Variants in NIBAN1 observed in about 807,000 individuals in gnomAD.
NIBAN1 encodes the protein niban apoptosis regulator 1.
In NIBAN1, 81 loss-of-function variants were observed where a neutral mutation model predicts 75.1. That is an observed-to-expected ratio of 1.08 (90% CI 0.90 to 1.30). The LOEUF is 1.30. NIBAN1 is among the 50% of genes most tolerant of loss of function. NIBAN1 has a pLI of 0.00. For synonymous variants in NIBAN1, 436 were observed against 424.8 expected, an observed-to-expected ratio of 1.03 and a Z score of -0.32; for missense variants, 1,133 against 1,128.1, an observed-to-expected ratio of 1.00 and a Z score of -0.06.
intron 5 of NIBAN1, among the ~76,000 whole-genome samples, chr1:184,839,222 A>G (rs1655216102): frequency 6.6e-6 from 1 of 152,204 alleles, no homozygotes; most frequent in South Asian, 2.1e-4. Flanking sequence ...TCTTTAAGCT[A>G]GCATGTGGTC....
intron 1 of NIBAN1, among the ~76,000 whole-genome samples, chr1:184,911,952 G>A (rs540263483): frequency 3.5e-4 from 53 of 152,136 alleles, no homozygotes; most frequent in African/African-American, 1.2e-3. Flanking sequence ...AGCTACATTT[G>A]CAACCCCCTC....
intron 5 of NIBAN1, among the ~76,000 whole-genome samples, chr1:184,882,604 G>A (rs1656405081): frequency 6.6e-6 from 1 of 152,224 alleles, no homozygotes; most frequent in Non-Finnish European, 1.5e-5. Flanking sequence ...GGAGAGCAGA[G>A]TGGGGTTTTG....
intron 5 of NIBAN1, among the ~76,000 whole-genome samples, chr1:184,865,679 T>C (rs1337068094): frequency 6.6e-6 from 1 of 152,166 alleles, no homozygotes; most frequent in African/African-American, 2.4e-5. Context: ...ACTTAAATAA[T>C]GGCATCATGC....
At chr1:184,903,607 G>A (rs1657009380) in intron 1 of NIBAN1, among the ~76,000 whole-genome samples, 1 of 151,968 alleles carries the variant, frequency 6.6e-6, no homozygotes, top group African/African-American at 2.4e-5. Context: ...CTTGCCATGT[G>A]ATGCACCTGC....
chr1:184,805,263 G>A (rs1027238904), intron 11 of NIBAN1, among the ~76,000 whole-genome samples: 4 of 152,166 alleles, frequency 2.6e-5, no homozygotes, highest in African/African-American at 4.8e-5. Context: ...AGTGGACTAG[G>A]TGTATGATCG....
chr1:184,815,678 A>G (rs1157646523), intron 9 of NIBAN1, among the ~76,000 whole-genome samples: 1 of 152,256 alleles, frequency 6.6e-6, no homozygotes, highest in Non-Finnish European at 1.5e-5. Context: ...AGCCTTATAC[A>G]TGAATAGCCT....
intron 1 of NIBAN1, among the ~76,000 whole-genome samples, chr1:184,933,917 G>A (rs1365334749): frequency 1.3e-5 from 2 of 152,220 alleles, no homozygotes; most frequent in Non-Finnish European, 2.9e-5. Context: ...ATGGGGGTCT[G>A]AGAACCAACT....
At chr1:184,839,398 T>G (rs1302028474) in intron 5 of NIBAN1, among the ~76,000 whole-genome samples, 1 of 152,130 alleles carries the variant, frequency 6.6e-6, no homozygotes, top group Non-Finnish European at 1.5e-5. Context: ...TAAGAAATAA[T>G]ATAGAGATAC....
rs991280730 is a variant in NIBAN1 at position 184,794,045 on chromosome 1, C to A, written c.*932G>T. On this transcript the variant is annotated 3_prime_UTR_variant, in exon 14 of 14. Transcript: ENST00000367511. ...CATAGTTTAAAAATTGGCATATGTT[C>A]TCTTCCAGATTAAATTCCCTTGGAC... 6.6e-6 allele frequency: 1 copy of A among 151,738 alleles called. No homozygotes were observed. Among genetic ancestry groups the A allele is most frequent in the Non-Finnish European group, 1.5e-5 (1 of 67,970 alleles). 9.4% of individuals were successfully genotyped at this position (151,738 alleles called of 1,614,324 possible).
intron 5 of NIBAN1, among the ~76,000 whole-genome samples, chr1:184,855,852 A>G (rs1189435964): frequency 2.0e-5 from 3 of 152,094 alleles, no homozygotes; most frequent in African/African-American, 7.2e-5. Context: ...AGATCTGATC[A>G]GTGTAGATTG....
At chr1:184,907,209 C>G (rs1372748201) in intron 1 of NIBAN1, among the ~76,000 whole-genome samples, 1 of 109,908 alleles carries the variant, frequency 9.1e-6, no homozygotes. Flanking sequence ...TTGGTTTTTC[C>G]TATAAAATTG....
At chr1:184,796,797 A>G (rs926625099) in intron 13 of NIBAN1, among the ~76,000 whole-genome samples, 2 of 152,244 alleles carry the variant, frequency 1.3e-5, no homozygotes, top group Non-Finnish European at 2.9e-5. Flanking sequence ...ACTTTTCAGC[A>G]TCTAGCTGCA....
chr1:184,862,026 A>C (rs1023092035), intron 5 of NIBAN1, among the ~76,000 whole-genome samples: 1 of 152,202 alleles, frequency 6.6e-6, no homozygotes, highest in Non-Finnish European at 1.5e-5. Flanking sequence ...AAGGGCACTC[A>C]CTATTATTCC....
intron 12 of NIBAN1, among the ~76,000 whole-genome samples, chr1:184,799,469 A>T (rs1391430585): frequency 4.0e-5 from 6 of 149,664 alleles, no homozygotes; most frequent in African/African-American, 1.5e-4. Flanking sequence ...TGGTTCCAAG[A>T]CTTTGCTATT....
At chr1:184,807,889 T>C in intron 10 of NIBAN1, 185 bp downstream of exon 10, 1 of 647,576 alleles carries the variant, frequency 1.5e-6, no homozygotes, top group Non-Finnish European at 2.8e-6. Flanking sequence ...TTGTCTATGA[T>C]GTTCATCCAC....
intron 1 of NIBAN1, among the ~76,000 whole-genome samples, chr1:184,922,843 G>A (rs1657594828): frequency 6.6e-6 from 1 of 152,166 alleles, no homozygotes; most frequent in South Asian, 2.1e-4. Flanking sequence ...CTGACCTCAG[G>A]TGATCCACCT....
At chr1:184,884,215 CTTTTTTTTTTTT>C (rs11334000) in intron 5 of NIBAN1, among the ~76,000 whole-genome samples, 5 of 66,802 alleles carry the variant, frequency 7.5e-5, no homozygotes, top group African/African-American at 2.2e-4. Context: ...ATCTGTGGCT[CTTTTTTTTTTTT>C]TTTTTTTTTT....
intron 1 of NIBAN1, among the ~76,000 whole-genome samples, chr1:184,949,939 T>C (rs1354406399): frequency 1.3e-5 from 2 of 152,120 alleles, no homozygotes; most frequent in African/African-American, 4.8e-5. Context: ...CCCCAGGCAA[T>C]CAACAGTCAT....
At position 184,818,664 on chromosome 1, in the gene NIBAN1, T is replaced by C; in HGVS notation, c.1147A>G (p.Thr383Ala). The C allele has an allele frequency of 2.5e-6, 4 of 1,610,336 alleles. No individual in the cohort carries two copies. Among genetic ancestry groups the C allele is most frequent in the Non-Finnish European group, 3.4e-6 (4 of 1,177,392 alleles). The change falls in exon 9 of 14, where the codon ACC becomes GCC. Residue 383 changes from threonine to alanine, a missense_variant. Transcript: ENST00000367511. ...VNEVSQNFQT[T>A]KDSVQLKEHL... is the part of the protein sequence containing the mutation. ...TCCTTTAGCTGGACACTGTCTTTGGTGGTCTGGAAGTTCTGGCTGACTTCA... is the reference window on the plus strand; with the variant it reads ...TCCTTTAGCTGGACACTGTCTTTGGCGGTCTGGAAGTTCTGGCTGACTTCA...
Sources: gnomAD v4.1 joint callset for allele counts (sites outside exome capture counted in the v4.1 genomes callset) on GRCh38, gnomAD v4.1.1 for gene constraint, MANE v1.5 for transcripts, NCBI Gene and HGNC (gene_info 2026-07-23, HGNC 2026-07-21) for gene names.